TTYH2: variants seen among roughly 807,000 people sequenced by gnomAD.
TTYH2 encodes tweety family member 2, also known as protein tweety homolog 2.
TTYH2 carries 49 observed loss-of-function variants against 68.3 expected under a neutral mutation model. The ratio of observed to expected loss-of-function variants is 0.72; its 90% CI spans 0.57 to 0.91. The LOEUF (loss-of-function observed/expected upper bound fraction) is 0.91. TTYH2 is among the 40% of genes least tolerant of loss of function. TTYH2 has a pLI of 0.00. For missense variants in TTYH2, 631 were observed against 700.4 expected (o/e 0.90, Z 1.12); for synonymous variants, 272 against 300.8 (o/e 0.90, Z 0.99).
At chr17:74,220,803 T>C (rs74415741) in intron 1 of TTYH2, among the ~76,000 whole-genome samples, 5 of 151,544 alleles carry the variant, frequency 3.3e-5, no homozygotes, top group African/African-American at 1.2e-4. Flanking sequence ...TTTTTTTTTT[T>C]CTAGAAGGGA....
intron 2 of TTYH2, among the ~76,000 whole-genome samples, chr17:74,225,015 ACC>A (rs2050316002): frequency 6.6e-6 from 1 of 151,392 alleles, no homozygotes; most frequent in African/African-American, 2.4e-5. Flanking sequence ...AAAAAAAACA[ACC>A]AAAAAACTAA....
chr17:74,219,658 T>A (rs189461679), intron 1 of TTYH2, among the ~76,000 whole-genome samples: 360 of 152,298 alleles, frequency 2.4e-3, no homozygotes, highest in African/African-American at 8.3e-3. Flanking sequence ...TATAAATTAA[T>A]CCATACAGTT....
rs576982233 is a variant in TTYH2, at chr17:74,249,056, G to A, written c.850G>A (p.Val284Ile). The A allele has an allele frequency of 2.3e-5, 37 of 1,614,148 alleles. No homozygotes were observed. In the Admixed American group the frequency reaches 3.0e-4, roughly 13 times the overall value. Reference protein sequence around the residue: ...CVAPDTFILNVTEGQISTEVT... With the variant: ...CVAPDTFILNITEGQISTEVT... ...GGCTCCTGACACCTTCATCCTGAAC[G>A]TCACGGAGGGCCAGATCAGCACAGG... Residue 284 changes from valine to isoleucine, a missense_variant, in exon 7 of 14, where the codon GTC becomes ATC. Coordinates refer to ENST00000269346, the MANE Select transcript of TTYH2 (RefSeq NM_032646.6).
At chr17:74,235,850 C>T (rs2050437485) in intron 3 of TTYH2, among the ~76,000 whole-genome samples, 1 of 148,730 alleles carries the variant, frequency 6.7e-6, no homozygotes, top group East Asian at 2.0e-4. Context: ...GCCAAGATTG[C>T]ACCACTGCAC....
chr17:74,233,600 C>A (rs545833128), intron 3 of TTYH2, among the ~76,000 whole-genome samples: 3 of 152,210 alleles, frequency 2.0e-5, no homozygotes, highest in Non-Finnish European at 4.4e-5. Context: ...AGCTGAGTGG[C>A]CAACAAGAAG....
At chr17:74,218,509 T>A (rs2050242869) in intron 1 of TTYH2, among the ~76,000 whole-genome samples, 1 of 149,158 alleles carries the variant, frequency 6.7e-6, no homozygotes, top group Admixed American at 6.7e-5. Flanking sequence ...CCTGTCTGTA[T>A]TTTTTTTTAA....
chr17:74,213,626 G>A lies in TTYH2; in HGVS notation c.39G>A (p.Trp13Ter). 1 of 1,611,816 alleles carries A rather than the reference G, an allele frequency of 6.2e-7. No individual in the cohort carries two copies. The change falls in exon 1 of 14, where the codon TGG becomes TGA. Residue 13 changes from tryptophan to a stop codon, truncating the protein, a stop_gained. Coordinates refer to ENST00000269346, the MANE Select transcript of TTYH2 (RefSeq NM_032646.6). LOFTEE classifies it high-confidence loss of function. The surrounding 1 kb of genome is among the most constrained non-coding windows in gnomAD (Gnocchi z 6.1). ...GCGTGGACTACATCGCTCCCTGGTG[G>A]GTCGTGTGGCTGCACAGCGTCCCGC... The part of the protein sequence containing the change: ...AARVDYIAPW[W>*]VVWLHSVPHV...
intron 2 of TTYH2, among the ~76,000 whole-genome samples, chr17:74,226,472 G>T (rs2050331368): frequency 6.6e-6 from 1 of 152,156 alleles, no homozygotes; most frequent in African/African-American, 2.4e-5. Context: ...AAAACCCTTG[G>T]GTTAAGTGGG....
chr17:74,253,936 G>C, intron 13 of TTYH2, 103 bp downstream of exon 13: 1 of 1,271,206 alleles, frequency 7.9e-7, no homozygotes, highest in Non-Finnish European at 1.1e-6. Context: ...GAATGAAACT[G>C]TTCTGTTATT....
chr17:74,235,877 C>G (rs933522991), intron 3 of TTYH2, among the ~76,000 whole-genome samples: 1 of 137,482 alleles, frequency 7.3e-6, no homozygotes, highest in Admixed American at 8.0e-5. Context: ...CTGGGTGACA[C>G]AGAGCGAGAC....
chr17:74,250,399 C>A, intron 10 of TTYH2, 42 bp downstream of exon 10: 3 of 1,524,610 alleles, frequency 2.0e-6, no homozygotes, highest in Non-Finnish European at 1.8e-6. Context: ...TGTGAGGGCA[C>A]CCAGCAGGCC....
intron 1 of TTYH2, among the ~76,000 whole-genome samples, chr17:74,219,381 C>A (rs2050253314): frequency 9.0e-6 from 1 of 111,578 alleles, no homozygotes; most frequent in African/African-American, 1.3e-4. Context: ...GAGCAAGACT[C>A]CGTGTCAAAA....
At position 74,222,588 on chromosome 17, in the gene TTYH2, C is replaced by T. The variant is rs202079153; in HGVS notation, c.233C>T (p.Ala78Val). The part of the protein sequence containing the change: ...VCACHCRRDD[A>V]VQTKQHHSCC... Reference sequence around the variant, plus strand: ...GCATGCCACTGCCGGCGGGACGATGCGGTGCAGACCAAGCAGCACCACTCC... The same window carrying T: ...GCATGCCACTGCCGGCGGGACGATGTGGTGCAGACCAAGCAGCACCACTCC... The change falls in exon 2 of 14, where the codon GCG becomes GTG. Residue 78 changes from alanine (A) to valine (V), a missense_variant. Physicochemically the swap from Ala to Val is moderately conservative, Grantham distance 64 (BLOSUM62 0). Transcript: ENST00000269346. The surrounding 1 kb of genome is among the most constrained non-coding windows in gnomAD (Gnocchi z 5.2). The T allele has an allele frequency of 1.6e-5, 25 of 1,612,236 alleles. No individual in the cohort carries two copies. The highest frequency in any genetic ancestry group is 1.2e-4 in the African/African-American group (9 of 75,068).
At position 74,241,289 on chromosome 17, in the gene TTYH2, GTGT is replaced by G. The variant is rs2050497866; in HGVS notation, c.636-2084_636-2082del. On this transcript the variant is annotated intron_variant, in intron 4 of 13. Coordinates refer to ENST00000269346, the MANE Select transcript of TTYH2 (RefSeq NM_032646.6). The surrounding 1 kb of genome is among the most constrained non-coding windows in gnomAD (Gnocchi z 4.1). ...TGTGTGTGTGTGTGTGTGTGTGTGT[GTGT>G]GTGTGCGTGTAAAAATAAGAATGTG... 6.6e-6 allele frequency among the ~76,000 whole-genome samples: 1 copy of G among 151,368 alleles called. No individual in the cohort carries two copies. The highest frequency in any genetic ancestry group is 1.5e-5 in the Non-Finnish European group (1 of 67,984).
intron 4 of TTYH2, among the ~76,000 whole-genome samples, chr17:74,243,165 G>T (rs1188128046): frequency 2.6e-5 from 4 of 152,132 alleles, no homozygotes; most frequent in African/African-American, 7.2e-5. Context: ...GAAGGCAGGG[G>T]GTGTGAATTG....
intron 3 of TTYH2, 112 bp from the exon 4 acceptor site, chr17:74,237,182 G>T: frequency 9.7e-7 from 1 of 1,031,098 alleles, no homozygotes; most frequent in Non-Finnish European, 1.5e-6. Context: ...TGACAGGCAT[G>T]AGCGTAATTA....
At chr17:74,233,219 A>G (rs1230716540) in intron 3 of TTYH2, among the ~76,000 whole-genome samples, 5 of 152,086 alleles carry the variant, frequency 3.3e-5, no homozygotes, top group African/African-American at 9.7e-5. Context: ...CCTTGCCTCC[A>G]GGTGGAAAGG....
rs144932863 is a variant in TTYH2 at position 74,250,509 on chromosome 17, G to A, written c.1116+152G>A. 1,261 of 657,006 alleles carry A rather than the reference G, an allele frequency of 1.9e-3. 11 individuals carry two copies. The East Asian group carries it at 0.021, about 11-fold the overall frequency. 40.7% of individuals were successfully genotyped at this position (657,006 alleles called of 1,614,324 possible). ...CTGAAGCCAGATAATGGGAAGGGAG[G>A]GGGTGCCTGGCTTCTCCAGGGGCTG... is the stretch of plus-strand genomic sequence containing the variant. On this transcript the variant is annotated intron_variant, in intron 10 of 13. Coordinates refer to ENST00000269346, the MANE Select transcript of TTYH2 (RefSeq NM_032646.6).
chr17:74,246,395 A>C (rs569581698), intron 6 of TTYH2, among the ~76,000 whole-genome samples: 2 of 152,166 alleles, frequency 1.3e-5, no homozygotes, highest in African/African-American at 4.8e-5. Context: ...ACTTACCTCA[A>C]AGGGCTGTTG....
Sources: allele counts gnomAD v4.1 joint callset (sites outside exome capture counted in the v4.1 genomes callset), GRCh38; gene constraint gnomAD v4.1.1; non-coding constraint Gnocchi (gnomAD v3.1); transcripts MANE v1.5; gene names NCBI Gene and HGNC (gene_info 2026-07-23, HGNC 2026-07-21).